The following SYNM variants were observed in gnomAD, a reference collection of about 807,000 sequenced individuals.
SYNM encodes the protein synemin.
Under a neutral mutation model 104.0 loss-of-function variants are expected in SYNM, and 95 were observed. The ratio of observed to expected loss-of-function variants is 0.91; its 90% CI spans 0.77 to 1.08. SYNM has a LOEUF of 1.08. Among genes scored for constraint, SYNM ranks in the 50% least tolerant of loss-of-function variants. SYNM has a pLI of 0.00. For synonymous variants in SYNM, 918 were observed against 869.0 expected (o/e 1.06, Z -0.99); for missense variants, 2,150 against 2,052.2 (o/e 1.05, Z -0.92).
chr15:99,105,154 G>T lies in SYNM; in HGVS notation c.-46G>T. ...AGGACGAGACCGGGACAAGACCAGGGCAGGAGGGAGCCGGCCAGCCGCGAG... is the reference window on the plus strand; with the variant it reads ...AGGACGAGACCGGGACAAGACCAGGTCAGGAGGGAGCCGGCCAGCCGCGAG... On this transcript the variant is annotated 5_prime_UTR_variant, in exon 1 of 4. Transcript: ENST00000336292. 1 of 1,549,544 alleles carries T rather than the reference G, an allele frequency of 6.5e-7. No individual in the cohort carries two copies.
chr15:99,130,980 CGAA>C lies in SYNM; in HGVS notation c.2622_2624del (p.Arg876del), dbSNP rs782664224. On this transcript the variant is annotated inframe_deletion, in exon 4 of 4. Coordinates refer to ENST00000336292, the MANE Select transcript of SYNM (RefSeq NM_145728.3). ...GCAGGATGAAATCGTGCAGGGGACT[CGAA>C]GGAGGACACAGAAGGACGGTGCAGT... 25 of 1,613,538 alleles carry C rather than the reference CGAA, an allele frequency of 1.5e-5. No homozygotes were observed. The highest frequency in any genetic ancestry group is 4.0e-5 in the African/African-American group (3 of 74,832).
chr15:99,112,451 C>T (rs2048228), intron 1 of SYNM, among the ~76,000 whole-genome samples: 19,828 of 152,206 alleles, frequency 0.13, 1,617 homozygotes, highest in East Asian at 0.44. Flanking sequence ...AAGATACTGT[C>T]GACTTCAAAT....
In SYNM at chr15:99,130,352, A is replaced by T. The variant is rs570163542; in HGVS notation, c.1992A>T (p.Pro664=). ...PETEASADSF[P]DTKVTYVDRK... is the part of the protein sequence containing the mutation. Reference sequence around the variant, plus strand: ...CAGAAGCATCTGCTGATTCTTTTCCAGACACAAAAGTCACTTACGTGGACA... The same window carrying T: ...CAGAAGCATCTGCTGATTCTTTTCCTGACACAAAAGTCACTTACGTGGACA... The change falls in exon 4 of 4, where the codon CCA becomes CCT. Residue 664 remains proline, a synonymous_variant. Transcript: ENST00000336292. 1 of 1,613,714 alleles carries T rather than the reference A, an allele frequency of 6.2e-7. No individual in the cohort carries two copies. Among genetic ancestry groups the T allele is most frequent in the South Asian group, 1.1e-5 (1 of 91,006 alleles).
At position 99,115,355 on chromosome 15, in the gene SYNM, C is replaced by G. The variant is rs150414591; in HGVS notation, c.935+1640C>G. ...TGAGGGGTAGAGCAGGGACCATCCCCAGGCCTAGTTCAGCACATCTTGTAG... is the reference window on the plus strand; with the variant it reads ...TGAGGGGTAGAGCAGGGACCATCCCGAGGCCTAGTTCAGCACATCTTGTAG... On this transcript the variant is annotated intron_variant, in intron 2 of 3. Coordinates refer to ENST00000336292, the MANE Select transcript of SYNM (RefSeq NM_145728.3). Among the ~76,000 whole-genome samples, 542 of 152,098 alleles carry G rather than the reference C, an allele frequency of 3.6e-3. 17 individuals carry two copies. Among genetic ancestry groups the G allele is most frequent in the Admixed American group, 0.03 (463 of 15,288 alleles).
Position 99,131,506 on chromosome 15 carries a change from G to A in SYNM, c.3146G>A (p.Ser1049Asn). 6.2e-7 allele frequency: 1 copy of A among 1,606,848 alleles called. No individual in the cohort carries two copies. The highest frequency in any genetic ancestry group is 8.5e-7 in the Non-Finnish European group (1 of 1,179,564). ...AGGCAACGCAGCCCAGCGCCTGGCA[G>A]CCCAGATGAGGAAGGTGGAGCGGAG... ...LSRQRSPAPG[S>N]PDEEGGAEAP... Residue 1049 changes from serine to asparagine, a missense_variant, in exon 4 of 4, where the codon AGC becomes AAC. Transcript: ENST00000336292. This position sits in a 1 kb window ranked among gnomAD's most constrained non-coding sequence, Gnocchi z 4.3.
At chr15:99,106,068 G>T in intron 1 of SYNM, 59 bp downstream of exon 1, 1 of 1,350,098 alleles carries the variant, frequency 7.4e-7, no homozygotes, top group Non-Finnish European at 9.5e-7. Context: ...CCAGCACCCT[G>T]CCCTTGACGG....
rs1596139820 is a variant in SYNM, at chr15:99,133,635, A to C, written c.*577A>C. 6.3e-6 allele frequency: 1 copy of C among 157,728 alleles called. No individual in the cohort carries two copies. The highest frequency in any genetic ancestry group is 1.9e-4 in the East Asian group (1 of 5,302). The allele number at this position is 157,728 out of a possible 1,614,324, so 9.8% of individuals were successfully genotyped here. ...GCCATATAGAGCTAAATTCATCTTA[A>C]GACTTGAATGAATTGCTTTCTATGT... On this transcript the variant is annotated 3_prime_UTR_variant, in exon 4 of 4. Coordinates refer to ENST00000336292, the MANE Select transcript of SYNM (RefSeq NM_145728.3).
At chr15:99,120,467 G>A (rs782780455) in intron 2 of SYNM, among the ~76,000 whole-genome samples, 16 of 152,222 alleles carry the variant, frequency 1.1e-4, no homozygotes, top group Non-Finnish European at 2.1e-4. Flanking sequence ...GACAGTGCCC[G>A]TCTCTGGGCA....
Position 99,105,081 on chromosome 15 carries a change from G to C in SYNM, c.-119G>C, listed in dbSNP as rs2067215738. The C allele has an allele frequency of 1.3e-5, 16 of 1,211,238 alleles. No homozygotes were observed. In the South Asian group the frequency reaches 2.0e-4, roughly 15 times the overall value. The allele number at this position is 1,211,238 out of a possible 1,614,324, so 75.0% of individuals were successfully genotyped here. On this transcript the variant is annotated 5_prime_UTR_variant, in exon 1 of 4. Coordinates refer to ENST00000336292, the MANE Select transcript of SYNM (RefSeq NM_145728.3). ...CCTGGGCTCTCCCGCTCGCGTCCCAGTCTGCGGGCCTCCGGGGCAGCGGCG... is the reference window on the plus strand; with the variant it reads ...CCTGGGCTCTCCCGCTCGCGTCCCACTCTGCGGGCCTCCGGGGCAGCGGCG...
At chr15:99,129,195 C>A in intron 3 of SYNM, 172 bp from the exon 4 acceptor site, 1 of 954,146 alleles carries the variant, frequency 1.0e-6, no homozygotes, top group Non-Finnish European at 1.5e-6. Flanking sequence ...ATTTTGTAAA[C>A]TGCCAAAAAA....
intron 2 of SYNM, among the ~76,000 whole-genome samples, chr15:99,119,906 T>A (rs2067384059): frequency 6.6e-6 from 1 of 152,240 alleles, no homozygotes; most frequent in African/African-American, 2.4e-5. Context: ...CCACCCCGTG[T>A]CATCATCCAT....
At chr15:99,139,048 G>T (rs951297108), downstream of SYNM, 14 of 492,672 alleles carry the variant, frequency 2.8e-5, no homozygotes, top group African/African-American at 2.7e-4. Context: ...TCCCCCTGCA[G>T]CAGGTGCCTT....
rs1310634827 is a variant in SYNM, at chr15:99,135,468, ATTGT to A, written c.*2417_*2420del. ...TCAGTTTCCTACTGGTGGTTTTGATATTGTTTGTTTAAGATGTATATTTAGAATG... is the reference window on the plus strand; with the variant it reads ...TCAGTTTCCTACTGGTGGTTTTGATATTGTTTAAGATGTATATTTAGAATG... On this transcript the variant is annotated 3_prime_UTR_variant, in exon 4 of 4. Coordinates refer to ENST00000336292, the MANE Select transcript of SYNM (RefSeq NM_145728.3). 2.0e-5 allele frequency: 3 copies of A among 152,572 alleles called. No individual in the cohort carries two copies. Among genetic ancestry groups the A allele is most frequent in the Non-Finnish European group, 2.9e-5 (2 of 68,024 alleles). The allele number at this position is 152,572 out of a possible 1,614,324, so 9.5% of individuals were successfully genotyped here. A position where few individuals can be genotyped will look rare whatever the true frequency, so the allele number is the denominator to read the frequency against.
At chr15:99,119,036 G>A (rs1441847032) in intron 2 of SYNM, among the ~76,000 whole-genome samples, 1 of 152,196 alleles carries the variant, frequency 6.6e-6, no homozygotes, top group Non-Finnish European at 1.5e-5. Context: ...TGTGGGGCTC[G>A]AGGTACTGAT....
chr15:99,130,191 G>C lies in SYNM; in HGVS notation c.1831G>C (p.Ala611Pro). The change falls in exon 4 of 4, where the codon GCA (alanine) becomes CCA (proline). Residue 611 changes from alanine (A) to proline (P), a missense_variant. Coordinates refer to ENST00000336292, the MANE Select transcript of SYNM (RefSeq NM_145728.3). ...KDAGGGTGREAEARELRFRLG... is the reference protein window; with the variant it reads ...KDAGGGTGREPEARELRFRLG... ...TGCTGGTGGTGGGACCGGTAGAGAG[G>C]CAGAAGCAAGAGAGCTACGGTTCAG... 6.2e-7 allele frequency: 1 copy of C among 1,613,948 alleles called. No homozygotes were observed. The highest frequency in any genetic ancestry group is 8.5e-7 in the Non-Finnish European group (1 of 1,179,900).
chr15:99,131,532 G>T lies in SYNM; in HGVS notation c.3172G>T (p.Ala1058Ser). Residue 1058 changes from alanine (A) to serine (S), a missense_variant, in exon 4 of 4, where the codon GCC (alanine) becomes TCC (serine). Coordinates refer to ENST00000336292, the MANE Select transcript of SYNM (RefSeq NM_145728.3). The surrounding 1 kb of genome is among the most constrained non-coding windows in gnomAD (Gnocchi z 4.3). ...GSPDEEGGAE[A>S]PAAGIRFRRW... ...CCCAGATGAGGAAGGTGGAGCGGAG[G>T]CCCCGGCTGCTGGCATTCGCTTTAG... 6.2e-7 allele frequency: 1 copy of T among 1,607,820 alleles called. No homozygotes were observed.
At chr15:99,126,897 G>A (rs1362255274) in intron 3 of SYNM, 105 bp downstream of exon 3, 13 of 995,014 alleles carry the variant, frequency 1.3e-5, no homozygotes, top group Non-Finnish European at 1.9e-5. Flanking sequence ...TAGATATGGT[G>A]TTTAGATAAC....
At position 99,132,884 on chromosome 15, in the gene SYNM, T is replaced by C; in HGVS notation, c.4524T>C (p.Ser1508=). The change falls in exon 4 of 4, where the codon TCT becomes TCC. Residue 1508 remains serine (S), a synonymous_variant. Transcript: ENST00000336292. ...DQAVGVSFKA[S]AGEGDQAHRE... ...CAGTTGGTGTGAGCTTTAAGGCCTC[T>C]GCTGGGGAAGGAGACCAGGCCCACA... 1 of 1,613,784 alleles carries C rather than the reference T, an allele frequency of 6.2e-7. No individual in the cohort carries two copies. Among genetic ancestry groups the C allele is most frequent in the Non-Finnish European group, 8.5e-7 (1 of 1,179,828 alleles).
In SYNM at chr15:99,129,740, C is replaced by T. The variant is rs1397475300; in HGVS notation, c.1380C>T (p.Tyr460=). 1 of 1,613,552 alleles carries T rather than the reference C, an allele frequency of 6.2e-7. No homozygotes were observed. The highest frequency in any genetic ancestry group is 8.5e-7 in the Non-Finnish European group (1 of 1,179,880). ...KAGDTREVPV[Y]IGEDSTIARE... ...GAGATACAAGGGAGGTCCCCGTTTA[C>T]ATAGGTGAAGATTCCACAATTGCCC... The change falls in exon 4 of 4, where the codon TAC becomes TAT. Residue 460 remains tyrosine (Y), a synonymous_variant. Transcript: ENST00000336292.
Sources: allele counts gnomAD v4.1 joint callset (sites outside exome capture counted in the v4.1 genomes callset), GRCh38; gene constraint gnomAD v4.1.1; non-coding constraint Gnocchi (gnomAD v3.1); transcripts MANE v1.5; gene names NCBI Gene and HGNC (gene_info 2026-07-23, HGNC 2026-07-21).